PARD3B: variants seen among roughly 807,000 people sequenced by gnomAD.
The protein encoded by PARD3B is par-3 family cell polarity regulator beta, also known as partitioning defective 3 homolog B.
PARD3B carries 103 observed loss-of-function variants against 130.2 expected under a neutral mutation model. The ratio of observed to expected loss-of-function variants is 0.79; its 90% CI spans 0.67 to 0.93. PARD3B has a LOEUF of 0.93. Ranked by LOEUF, PARD3B falls within the 40% of genes least tolerant of loss-of-function variation. The probability of loss-of-function intolerance (pLI) is 0.00; values close to 1 mark genes in which losing one functional copy is unlikely to be tolerated. For missense variants in PARD3B, 1,609 were observed against 1,499.2 expected (o/e 1.07, Z -1.21); for synonymous variants, 583 against 553.2 (o/e 1.05, Z -0.76).
chr2:205,526,409 TG>T (rs1322548287), intron 21 of PARD3B, among the ~76,000 whole-genome samples: 1 of 152,216 alleles, frequency 6.6e-6, no homozygotes, highest in Non-Finnish European at 1.5e-5. Context: ...AAAGAGTACT[TG>T]CCTTTGTGGC....
chr2:205,138,435 A>G (rs1255347281), intron 10 of PARD3B, among the ~76,000 whole-genome samples: 1 of 152,186 alleles, frequency 6.6e-6, no homozygotes, highest in Non-Finnish European at 1.5e-5. Context: ...CACATAGAGA[A>G]TTACTCTTTT....
At chr2:205,614,753 G>C (rs375575316) in intron 22 of PARD3B, among the ~76,000 whole-genome samples, 1 of 151,978 alleles carries the variant, frequency 6.6e-6, no homozygotes, top group African/African-American at 2.4e-5. Context: ...CTCTGGCTTG[G>C]GACTTTTTCT....
At chr2:205,149,293 G>T (rs1162952087) in intron 10 of PARD3B, among the ~76,000 whole-genome samples, 1 of 152,070 alleles carries the variant, frequency 6.6e-6, no homozygotes, top group African/African-American at 2.4e-5. Flanking sequence ...GGCCAGGCTG[G>T]TCTCAAACTC....
chr2:205,278,552 T>G (rs1342334372), intron 16 of PARD3B, among the ~76,000 whole-genome samples: 1 of 152,038 alleles, frequency 6.6e-6, no homozygotes, highest in East Asian at 1.9e-4. Context: ...TTTTGGAAGG[T>G]TTTGAGTTAG....
rs569460229 is a variant in PARD3B at position 205,026,878 on chromosome 2, C to T, written c.395-20703C>T. On this transcript the variant is annotated intron_variant, in intron 3 of 22. Transcript: ENST00000406610. ...AAATGTTCTTCTTCTTATGGCTGAA[C>T]GATATTCTCTTGTTTAGACACACCA... 3.1e-4 allele frequency among the ~76,000 whole-genome samples: 47 copies of T among 152,176 alleles called. 1 individual carries two copies. The South Asian group carries it at 8.3e-3, about 27-fold the overall frequency.
chr2:205,428,435 A>G (rs2047219577), intron 19 of PARD3B, among the ~76,000 whole-genome samples: 1 of 152,168 alleles, frequency 6.6e-6, no homozygotes, highest in African/African-American at 2.4e-5. Flanking sequence ...CTCTTCTGCC[A>G]TGTGAGAGAT....
intron 2 of PARD3B, among the ~76,000 whole-genome samples, chr2:204,779,853 A>G (rs1044378194): frequency 6.6e-6 from 1 of 152,212 alleles, no homozygotes; most frequent in Non-Finnish European, 1.5e-5. Flanking sequence ...TAAGCAAAGT[A>G]AGGTCTTGCA....
At chr2:205,271,198 T>A (rs1299640565) in intron 16 of PARD3B, among the ~76,000 whole-genome samples, 4 of 152,200 alleles carry the variant, frequency 2.6e-5, no homozygotes, top group African/African-American at 9.6e-5. Context: ...CTCTTAAGGA[T>A]TTCAGAAGCT....
chr2:204,730,599 G>T (rs76549945), intron 2 of PARD3B, among the ~76,000 whole-genome samples: 1 of 128,334 alleles, frequency 7.8e-6, no homozygotes, highest in Non-Finnish European at 1.6e-5. Context: ...AAAAAAAAAA[G>T]TAGTGGGAAG....
intron 22 of PARD3B, among the ~76,000 whole-genome samples, chr2:205,583,362 C>T (rs2054066122): frequency 6.9e-6 from 1 of 144,128 alleles, no homozygotes; most frequent in South Asian, 2.2e-4. Context: ...TTAGTCATCT[C>T]TCTCCTCCTA....
chr2:205,119,102 C>A, intron 7 of PARD3B, 56 bp downstream of exon 7: 1 of 1,521,694 alleles, frequency 6.6e-7, no homozygotes, highest in African/African-American at 1.4e-5. Context: ...TGGTTATAAG[C>A]ATTACTGAAC....
rs1017183779 is a variant in PARD3B, at chr2:204,890,175, C to T, written c.223-74977C>T. 1.3e-5 allele frequency among the ~76,000 whole-genome samples: 2 copies of T among 152,198 alleles called. No homozygotes were observed. Among genetic ancestry groups the T allele is most frequent in the African/African-American group, 4.8e-5 (2 of 41,444 alleles). The stretch of plus-strand genomic sequence containing the variant: ...TCACCACACTGCAATCCATCTGGCC[C>T]CTGGCTGGCAGTCTAGGCACAGTGT... On this transcript the variant is annotated intron_variant, in intron 2 of 22. Coordinates refer to ENST00000406610, the MANE Select transcript of PARD3B (RefSeq NM_001302769.2). This position sits in a 1 kb window ranked among gnomAD's most constrained non-coding sequence, Gnocchi z 4.9.
At chr2:204,775,185 A>G (rs1031489341) in intron 2 of PARD3B, among the ~76,000 whole-genome samples, 3 of 152,180 alleles carry the variant, frequency 2.0e-5, no homozygotes, top group African/African-American at 7.2e-5. Flanking sequence ...GTAAATACGG[A>G]TAAAAAAAGT....
chr2:205,129,442 C>T (rs2031781947), intron 10 of PARD3B, among the ~76,000 whole-genome samples: 1 of 152,202 alleles, frequency 6.6e-6, no homozygotes, highest in African/African-American at 2.4e-5. Context: ...TTATGTGATA[C>T]ATCTTTGTGT....
chr2:204,778,053 C>G (rs2041700908), intron 2 of PARD3B, among the ~76,000 whole-genome samples: 1 of 150,940 alleles, frequency 6.6e-6, no homozygotes, highest in Non-Finnish European at 1.5e-5. Flanking sequence ...CCATGTGGAA[C>G]TGAGAGTCAG....
In PARD3B at chr2:205,301,280, A is replaced by C. The variant is rs79272094; in HGVS notation, c.2393-184A>C. On this transcript the variant is annotated intron_variant, in intron 17 of 22. Coordinates refer to ENST00000406610, the MANE Select transcript of PARD3B (RefSeq NM_001302769.2). This position sits in a 1 kb window ranked among gnomAD's most constrained non-coding sequence, Gnocchi z 5.2. ...ACCGGTTGTCCCCACTCCCAGCATC[A>C]AGTCTTGCTCGAAGTAACCAGATTT... is the stretch of plus-strand genomic sequence containing the variant. Among the ~76,000 whole-genome samples the C allele has an allele frequency of 1.9e-4, 29 of 152,324 alleles. No homozygotes were observed. In the East Asian group the frequency reaches 5.6e-3, roughly 29 times the overall value.
intron 16 of PARD3B, among the ~76,000 whole-genome samples, chr2:205,286,691 C>T (rs1282789732): frequency 2.6e-5 from 4 of 152,186 alleles, no homozygotes; most frequent in Admixed American, 1.3e-4. Context: ...AGGTCTCTCT[C>T]CTCCTAAATG....
rs140588407 is a variant in PARD3B, at chr2:204,951,911, A to C, written c.223-13241A>C. 1.7e-3 allele frequency among the ~76,000 whole-genome samples: 258 copies of C among 152,338 alleles called. 2 individuals carry two copies. The highest frequency in any genetic ancestry group is 5.6e-3 in the African/African-American group (234 of 41,580). On this transcript the variant is annotated intron_variant, in intron 2 of 22. Coordinates refer to ENST00000406610, the MANE Select transcript of PARD3B (RefSeq NM_001302769.2). The stretch of plus-strand genomic sequence containing the variant: ...TTAACCTGTCACTGTCACTGGTCAG[A>C]TCCTTTCTAGAGTTTTTAATCCTTG...
chr2:204,971,828 G>C (rs1043517052), intron 3 of PARD3B, among the ~76,000 whole-genome samples: 2 of 130,796 alleles, frequency 1.5e-5, no homozygotes, highest in Non-Finnish European at 3.2e-5. Context: ...CTGTTGTTTT[G>C]TTTTAATTTT....
Sources: allele counts gnomAD v4.1 joint callset (sites outside exome capture counted in the v4.1 genomes callset), GRCh38; gene constraint gnomAD v4.1.1; non-coding constraint Gnocchi (gnomAD v3.1); transcripts MANE v1.5; gene names NCBI Gene and HGNC (gene_info 2026-07-23, HGNC 2026-07-21).